CAST: variants seen among roughly 807,000 people sequenced by gnomAD.
CAST encodes calpastatin.
In CAST, 76 loss-of-function variants were observed where a neutral mutation model predicts 119.6. The ratio of observed to expected loss-of-function variants is 0.64; its 90% CI spans 0.53 to 0.77. CAST has a LOEUF of 0.77. Ranked by LOEUF, CAST falls within the 30% of genes least tolerant of loss-of-function variation. CAST has a pLI of 0.00. For missense variants in CAST, 953 were observed against 946.5 expected (o/e 1.01, Z -0.09); for synonymous variants, 319 against 331.6 (o/e 0.96, Z 0.41).
At chr5:96,356,801 T>C in the CAST span, among the ~76,000 whole-genome samples, 3 of 152,178 alleles carry the variant, frequency 2.0e-5, no homozygotes, top group African/African-American at 7.2e-5. Flanking sequence ...CTTAGGATTG[T>C]CTTGGCTATG....
the CAST span, chr5:96,421,898 T>A: frequency 1.3e-6 from 2 of 1,567,610 alleles, no homozygotes; most frequent in Non-Finnish European, 8.8e-7. Flanking sequence ...GTTTGTGGGA[T>A]CATATCGGGG....
chr5:96,266,439 G>A, the CAST span, among the ~76,000 whole-genome samples: 2 of 152,096 alleles, frequency 1.3e-5, no homozygotes, highest in African/African-American at 4.8e-5. Flanking sequence ...GGGGAGGGGG[G>A]CACTAGTAAC....
the CAST span, among the ~76,000 whole-genome samples, chr5:96,168,030 T>C: frequency 6.6e-6 from 1 of 152,112 alleles, no homozygotes; most frequent in South Asian, 2.1e-4. Flanking sequence ...GTAACTTACA[T>C]AGAAGAAGTT....
At chr5:96,542,517 A>G (rs1745932955) in intron 1 of CAST, among the ~76,000 whole-genome samples, 2 of 152,120 alleles carry the variant, frequency 1.3e-5, no homozygotes, top group African/African-American at 4.8e-5. Context: ...TTTAATTGCA[A>G]TCTTTTAATG....
At chr5:96,693,937 C>G (rs376673790) in intron 2 of CAST, among the ~76,000 whole-genome samples, 1 of 152,034 alleles carries the variant, frequency 6.6e-6, no homozygotes, top group South Asian at 2.1e-4. Flanking sequence ...ACAGATGATG[C>G]CTGGGAGCCT....
intron 13 of CAST, 66 bp downstream of exon 13, chr5:96,740,849 G>T: frequency 1.0e-6 from 1 of 990,014 alleles, no homozygotes; most frequent in Admixed American, 1.8e-5. Context: ...GGGGAACAGG[G>T]CTATCAATTC....
the CAST span, among the ~76,000 whole-genome samples, chr5:96,336,860 C>G: frequency 6.6e-6 from 1 of 152,086 alleles, no homozygotes; most frequent in Non-Finnish European, 1.5e-5. Context: ...GATTTCATGT[C>G]TGTTAATCAA....
the CAST span, among the ~76,000 whole-genome samples, chr5:96,317,682 A>C: frequency 6.6e-6 from 1 of 152,160 alleles, no homozygotes; most frequent in Non-Finnish European, 1.5e-5. Flanking sequence ...ACTTCTAAAA[A>C]CTGTCACATC....
the CAST span, among the ~76,000 whole-genome samples, chr5:96,367,405 A>T: frequency 6.6e-6 from 1 of 151,884 alleles, no homozygotes; most frequent in Admixed American, 6.6e-5. Flanking sequence ...TTCTTTGGCT[A>T]TGCCCTGCCA....
At chr5:96,216,498 A>G in the CAST span, among the ~76,000 whole-genome samples, 1 of 152,184 alleles carries the variant, frequency 6.6e-6, no homozygotes, top group African/African-American at 2.4e-5. Flanking sequence ...CCCATTTTCT[A>G]TGAAATTAAA....
At chr5:96,552,870 A>G (rs1200578088) in intron 1 of CAST, among the ~76,000 whole-genome samples, 2 of 152,238 alleles carry the variant, frequency 1.3e-5, no homozygotes, top group African/African-American at 2.4e-5. Flanking sequence ...GAAGAAGTTG[A>G]ACCTCTGAAT....
chr5:96,282,642 T>C, the CAST span, among the ~76,000 whole-genome samples: 3 of 152,336 alleles, frequency 2.0e-5, no homozygotes, highest in Admixed American at 6.5e-5. Context: ...TTACCACTTA[T>C]TGTATTTTAA....
the CAST span, among the ~76,000 whole-genome samples, chr5:96,438,291 C>T: frequency 6.6e-6 from 1 of 152,168 alleles, no homozygotes; most frequent in African/African-American, 2.4e-5. Context: ...ACCGTTCATG[C>T]AGCTTTCCCT....
At chr5:96,649,534 G>A (rs1231654091) in intron 1 of CAST, among the ~76,000 whole-genome samples, 3 of 152,080 alleles carry the variant, frequency 2.0e-5, no homozygotes, top group Non-Finnish European at 4.4e-5. Flanking sequence ...CTGCTCTCTG[G>A]CCCTCTGCCA....
Position 96,631,307 on chromosome 5 carries a change from A to C in CAST, c.61-44232A>C, listed in dbSNP as rs1047474473. Among the ~76,000 whole-genome samples, 2 of 140,688 alleles carry C rather than the reference A, an allele frequency of 1.4e-5. 1 individual carries two copies. Among genetic ancestry groups the C allele is most frequent in the African/African-American group, 5.0e-5 (2 of 39,814 alleles). 92.3% of individuals were successfully genotyped at this position (140,688 alleles called of 152,430 possible). ...CCTGGCAACCACTAATCTACTTTCT[A>C]TCTCTATAAATTTGGCTATTTTGGA... On this transcript the variant is annotated intron_variant, in intron 1 of 11. Transcript: ENST00000505143.
intron 2 of CAST, among the ~76,000 whole-genome samples, chr5:96,676,736 T>G (rs1054517661): frequency 5.9e-5 from 9 of 151,454 alleles, no homozygotes; most frequent in African/African-American, 2.2e-4. Context: ...AAACCACAAA[T>G]TTTTCTTTTT....
the CAST span, among the ~76,000 whole-genome samples, chr5:96,116,021 T>G: frequency 6.6e-6 from 1 of 152,092 alleles, no homozygotes. Context: ...TGTAGATAGC[T>G]ATTATAACTT....
At chr5:96,514,847 G>A in the CAST span, among the ~76,000 whole-genome samples, 3 of 152,158 alleles carry the variant, frequency 2.0e-5, no homozygotes, top group African/African-American at 7.2e-5. Flanking sequence ...CACCTCCAGG[G>A]TTCAAGCGAT....
the CAST span, among the ~76,000 whole-genome samples, chr5:96,297,825 A>G: frequency 4.6e-5 from 7 of 151,982 alleles, no homozygotes; most frequent in Non-Finnish European, 1.0e-4. Context: ...TTCATAGTTT[A>G]TGGTGTCTTT....
Sources: allele counts gnomAD v4.1 joint callset (sites outside exome capture counted in the v4.1 genomes callset), GRCh38; gene constraint gnomAD v4.1.1; transcripts MANE v1.5; gene names NCBI Gene and HGNC (gene_info 2026-07-23, HGNC 2026-07-21).